MTFR1: variants seen among roughly 807,000 people sequenced by gnomAD.
MTFR1 encodes the protein chondrocyte protein with a poly-proline region.
A neutral mutation model predicts 38.8 loss-of-function variants in MTFR1; 28 were observed. The observed-to-expected ratio is 0.72, with a 90% CI of 0.53 to 0.99. The LOEUF (loss-of-function observed/expected upper bound fraction) is 0.99. MTFR1 is among the 50% of genes least tolerant of loss of function. The probability of loss-of-function intolerance (pLI) is 0.00; values close to 1 mark genes in which losing one functional copy is unlikely to be tolerated. For synonymous variants in MTFR1, 145 were observed against 137.0 expected (o/e 1.06, Z -0.41); for missense variants, 358 against 395.5 (o/e 0.91, Z 0.81).
At chr8:65,675,206 C>T (rs1380433646) in intron 2 of MTFR1, among the ~76,000 whole-genome samples, 2 of 151,922 alleles carry the variant, frequency 1.3e-5, no homozygotes, top group African/African-American at 2.4e-5. Context: ...CAGGAGAATC[C>T]GGTTTGAACT....
At chr8:65,753,979 T>G (rs1254160180) in intron 3 of MTFR1, among the ~76,000 whole-genome samples, 1 of 152,168 alleles carries the variant, frequency 6.6e-6, no homozygotes, top group Non-Finnish European at 1.5e-5. Flanking sequence ...GTATGTTATA[T>G]TAGGGTTCTC....
At chr8:65,776,528 A>G in the MTFR1 span, among the ~76,000 whole-genome samples, 2 of 152,130 alleles carry the variant, frequency 1.3e-5, no homozygotes, top group Admixed American at 1.3e-4. Context: ...GAATCCTCCA[A>G]TCCATAAATA....
Position 65,708,016 on chromosome 8 carries a change from G to T in MTFR1, c.933+5G>T. On this transcript the variant is annotated splice_donor_5th_base_variant and intron_variant, in intron 7 of 7. Coordinates refer to ENST00000262146, the MANE Select transcript of MTFR1 (RefSeq NM_014637.4). ...GCCACCTCAGAGAGAGTGTTGGTGAGTTATTTGCCCAGATTTCTTTCCTGT... is the reference window on the plus strand; with the variant it reads ...GCCACCTCAGAGAGAGTGTTGGTGATTTATTTGCCCAGATTTCTTTCCTGT... 1 of 1,611,268 alleles carries T rather than the reference G, an allele frequency of 6.2e-7. No homozygotes were observed.
At chr8:65,649,214 CTT>C (rs1269923705) in intron 1 of MTFR1, among the ~76,000 whole-genome samples, 1 of 151,028 alleles carries the variant, frequency 6.6e-6, no homozygotes, top group Non-Finnish European at 1.5e-5. Flanking sequence ...GAGTTTTGCT[CTT>C]GTTTCCCAGG....
chr8:65,727,160 T>G (rs767103153), intron 3 of MTFR1: 22 of 1,432,784 alleles, frequency 1.5e-5, no homozygotes, highest in Non-Finnish European at 2.0e-6. Flanking sequence ...GATGATAAAA[T>G]TGCACTAACC....
chr8:65,704,679 A>G lies in MTFR1; in HGVS notation c.282-15A>G. 6.2e-7 allele frequency: 1 copy of G among 1,610,924 alleles called. No homozygotes were observed. On this transcript the variant is annotated splice_polypyrimidine_tract_variant and intron_variant, in intron 4 of 7. Coordinates refer to ENST00000262146, the MANE Select transcript of MTFR1 (RefSeq NM_014637.4). ...TACAAAGCCTGTGACAGCCCACCTT[A>G]TGTCTTCCTTGCAGGACAGAGGTCA...
intron 3 of MTFR1, among the ~76,000 whole-genome samples, chr8:65,767,308 A>G (rs964427938): frequency 7.2e-5 from 11 of 152,300 alleles, no homozygotes; most frequent in Admixed American, 5.9e-4. Flanking sequence ...TACATTTCCA[A>G]CTGCATGACC....
At chr8:65,746,654 A>G (rs1186583415) in intron 3 of MTFR1, among the ~76,000 whole-genome samples, 2 of 152,234 alleles carry the variant, frequency 1.3e-5, no homozygotes, top group Non-Finnish European at 2.9e-5. Context: ...TTATGAATAC[A>G]CTGACATGAG....
chr8:65,704,875 A>G lies in MTFR1; in HGVS notation c.463A>G (p.Arg155Gly). Residue 155 changes from arginine (R) to glycine (G), a missense_variant, in exon 5 of 8, where the codon AGA (arginine) becomes GGA (glycine). By Grantham distance (125) the Arg-to-Gly change is moderately radical. Coordinates refer to ENST00000262146, the MANE Select transcript of MTFR1 (RefSeq NM_014637.4). ...CALENELAAL[R>G]AQIAKIVTQQ... ...TCTCGAAAATGAACTTGCTGCTCTC[A>G]GAGCTCAGATTGCCAAAATTGTGAC... The G allele has an allele frequency of 6.2e-7, 1 of 1,611,752 alleles. No individual in the cohort carries two copies.
intron 3 of MTFR1, among the ~76,000 whole-genome samples, chr8:65,751,161 G>A (rs922113306): frequency 3.9e-5 from 6 of 152,238 alleles, no homozygotes; most frequent in South Asian, 2.1e-4. Context: ...AAGCCTACAC[G>A]TAACAAGATT....
chr8:65,707,305 A>C, intron 6 of MTFR1, 49 bp downstream of exon 6: 2 of 1,567,928 alleles, frequency 1.3e-6, no homozygotes, highest in Non-Finnish European at 1.7e-6. Flanking sequence ...GTCTTATAAA[A>C]CCAAAGTACC....
intron 1 of MTFR1, among the ~76,000 whole-genome samples, chr8:65,645,001 G>A (rs1324429392): frequency 6.6e-6 from 1 of 152,234 alleles, no homozygotes; most frequent in Non-Finnish European, 1.5e-5. Flanking sequence ...GTGGGTCGGG[G>A]GCTCCGGAGG....
At chr8:65,770,139 G>C (rs1024330116) in intron 3 of MTFR1, among the ~76,000 whole-genome samples, 1 of 144,788 alleles carries the variant, frequency 6.9e-6, no homozygotes, top group Non-Finnish European at 1.5e-5. Context: ...GTGTGTGTGT[G>C]TGTGTGTGTG....
chr8:65,650,697 C>T (rs921858690), intron 1 of MTFR1, among the ~76,000 whole-genome samples: 1 of 152,132 alleles, frequency 6.6e-6, no homozygotes, highest in Non-Finnish European at 1.5e-5. Context: ...ATCCATTTGT[C>T]TGTTGATAGA....
chr8:65,734,992 T>C (rs1032271135), intron 3 of MTFR1: 2 of 772,418 alleles, frequency 2.6e-6, no homozygotes, highest in Non-Finnish European at 2.3e-6. Flanking sequence ...ATACTTTTCA[T>C]GTAGCTATCG....
At chr8:65,745,988 C>T (rs1386937963) in intron 3 of MTFR1, among the ~76,000 whole-genome samples, 2 of 151,824 alleles carry the variant, frequency 1.3e-5, no homozygotes, top group African/African-American at 2.4e-5. Context: ...AATGCAGTGG[C>T]ACAAACAAGA....
intron 3 of MTFR1, chr8:65,727,175 AT>A: frequency 6.4e-7 from 1 of 1,574,306 alleles, no homozygotes; most frequent in Non-Finnish European, 8.7e-7. Flanking sequence ...CTAACCTTGT[AT>A]AAAGTTGCCA....
chr8:65,687,759 A>C lies in MTFR1; in HGVS notation c.165+5308A>C, dbSNP rs981839669. 3.9e-5 allele frequency among the ~76,000 whole-genome samples: 6 copies of C among 152,200 alleles called. No individual in the cohort carries two copies. The East Asian group carries it at 1.2e-3, about 29-fold the overall frequency. On this transcript the variant is annotated intron_variant, in intron 3 of 7. Coordinates refer to ENST00000262146, the MANE Select transcript of MTFR1 (RefSeq NM_014637.4). ...CTGTTGTTCTTTACACAGGTATATCACCTGGGAAGTTGATGGTGTCACTGT... is the reference window on the plus strand; with the variant it reads ...CTGTTGTTCTTTACACAGGTATATCCCCTGGGAAGTTGATGGTGTCACTGT...
At chr8:65,741,790 A>C (rs537629382) in intron 3 of MTFR1, among the ~76,000 whole-genome samples, 1 of 152,362 alleles carries the variant, frequency 6.6e-6, no homozygotes, top group Non-Finnish European at 1.5e-5. Context: ...AGATTATCAT[A>C]AGGTTCTCCA....
Sources: allele counts gnomAD v4.1 joint callset (sites outside exome capture counted in the v4.1 genomes callset), GRCh38; gene constraint gnomAD v4.1.1; transcripts MANE v1.5; gene names NCBI Gene and HGNC (gene_info 2026-07-23, HGNC 2026-07-21).